FLOT1: variants seen among roughly 807,000 people sequenced by gnomAD.
FLOT1 encodes the protein flotillin-1.
Under a neutral mutation model 58.4 loss-of-function variants are expected in FLOT1, and 40 were observed. The ratio of observed to expected loss-of-function variants is 0.69; its 90% CI spans 0.53 to 0.89. The LOEUF (loss-of-function observed/expected upper bound fraction) is 0.89, where lower values mean the gene tolerates loss of function less well. Ranked by LOEUF, FLOT1 falls within the 40% of genes least tolerant of loss-of-function variation. The pLI is 0.00. For missense variants in FLOT1, 423 were observed against 540.8 expected (o/e 0.78, Z 2.16); for synonymous variants, 178 against 204.2 (o/e 0.87, Z 1.09).
rs1562198337 is a variant in FLOT1, at chr6:30,742,131, GAAC to G, written c.43+13_43+15del. 3.7e-6 allele frequency: 6 copies of G among 1,612,010 alleles called. No individual in the cohort carries two copies. Among genetic ancestry groups the G allele is most frequent in the East Asian group, 2.2e-5 (1 of 44,876 alleles). On this transcript the variant is annotated intron_variant, in intron 2 of 12. Transcript: ENST00000376389. The surrounding 1 kb of genome is among the most constrained non-coding windows in gnomAD (Gnocchi z 5.2). ...GTTCTGGGGTCACTGGCTGGGAAGG[GAAC>G]AACAGTACTTACCGGAGACCACCAT...
chr6:30,742,294 TC>T lies in FLOT1; in HGVS notation c.-14-92del, dbSNP rs1275610454. The T allele has an allele frequency of 6.3e-6, 7 of 1,107,802 alleles. No individual in the cohort carries two copies. In the African/African-American group the frequency reaches 7.7e-5, roughly 12 times the overall value. 68.6% of individuals were successfully genotyped at this position (1,107,802 alleles called of 1,614,324 possible). A position where few individuals can be genotyped will look rare whatever the true frequency, so the allele number is the denominator to read the frequency against. On this transcript the variant is annotated intron_variant, in intron 1 of 12. Transcript: ENST00000376389. The surrounding 1 kb of genome is among the most constrained non-coding windows in gnomAD (Gnocchi z 5.2). Reference sequence around the variant, plus strand: ...ATCCTTTCCCTTTCCCGTCAGGCCCTCCCAGTCTGCATCCGCCACGGCCCGT... The same window carrying T: ...ATCCTTTCCCTTTCCCGTCAGGCCCTCCAGTCTGCATCCGCCACGGCCCGT...
Position 30,728,010 on chromosome 6 carries a change from C to G in FLOT1, c.*106G>C. ...GGCAAGGAGAGATGAGGGGTGGGAC[C>G]TCACTGTCAATGGACATGCTCAGGG... On this transcript the variant is annotated 3_prime_UTR_variant, in exon 13 of 13. Transcript: ENST00000376389. 9.5e-7 allele frequency: 1 copy of G among 1,056,692 alleles called. No homozygotes were observed. Among genetic ancestry groups the G allele is most frequent in the Non-Finnish European group, 1.5e-6 (1 of 676,394 alleles). The allele number at this position is 1,056,692 out of a possible 1,614,324, so 65.5% of individuals were successfully genotyped here. A position where few individuals can be genotyped will look rare whatever the true frequency, so the allele number is the denominator to read the frequency against.
At chr6:30,732,398 C>G (rs1016920194) in intron 8 of FLOT1, among the ~76,000 whole-genome samples, 1 of 151,928 alleles carries the variant, frequency 6.6e-6, no homozygotes, top group African/African-American at 2.4e-5. Context: ...TACTCTGTCA[C>G]CCAGGTTCAA....
At chr6:30,732,870 C>T (rs1009023277) in intron 8 of FLOT1, among the ~76,000 whole-genome samples, 6 of 152,172 alleles carry the variant, frequency 3.9e-5, no homozygotes, top group African/African-American at 1.4e-4. Flanking sequence ...CCCTCTACAC[C>T]GGTGTGCAGG....
rs1250106525 is a variant in FLOT1 at position 30,728,252 on chromosome 6, C to CA, written c.1255-108_1255-107insT. 4.1e-5 allele frequency: 37 copies of CA among 913,044 alleles called. No homozygotes were observed. In the African/African-American group the frequency reaches 4.7e-4, roughly 12 times the overall value. 56.6% of individuals were successfully genotyped at this position (913,044 alleles called of 1,614,324 possible). ...GAATGGGCTATAGGCAGAACACACA[C>CA]GGCCAGGGTTCTTTCTGGTGCCCTA... On this transcript the variant is annotated intron_variant, in intron 12 of 12. Coordinates refer to ENST00000376389, the MANE Select transcript of FLOT1 (RefSeq NM_005803.4).
Position 30,742,154 on chromosome 6 carries a change from C to T in FLOT1, c.36G>A (p.Val12=). 6.2e-7 allele frequency: 1 copy of T among 1,612,844 alleles called. No individual in the cohort carries two copies. The highest frequency in any genetic ancestry group is 8.5e-7 in the Non-Finnish European group (1 of 1,179,972). ...GGGAACAACAGTACTTACCGGAGAC[C>T]ACCATGGCCTCATTTGGGCCACAAG... The part of the protein sequence containing the change: ...FFTCGPNEAM[V]VSGFCRSPPV... The change falls in exon 2 of 13, where the codon GTG becomes GTA. Residue 12 remains valine (V), a synonymous_variant. Transcript: ENST00000376389. This position sits in a 1 kb window ranked among gnomAD's most constrained non-coding sequence, Gnocchi z 5.2.
In FLOT1 at chr6:30,737,664, C is replaced by A. The variant is rs1777693796; in HGVS notation, c.723+2494G>T. On this transcript the variant is annotated intron_variant, in intron 8 of 12. Coordinates refer to ENST00000376389, the MANE Select transcript of FLOT1 (RefSeq NM_005803.4). The surrounding 1 kb of genome is among the most constrained non-coding windows in gnomAD (Gnocchi z 4.4). ...AGTCTGATCTCAAACACCACTTCCT[C>A]ATAGAAACTTTCTCTACCACCCGCT... 6.6e-6 allele frequency among the ~76,000 whole-genome samples: 1 copy of A among 152,150 alleles called. No homozygotes were observed. The highest frequency in any genetic ancestry group is 1.5e-5 in the Non-Finnish European group (1 of 68,036).
rs1347649821 is a variant in FLOT1, at chr6:30,737,238, G to GTCCATCCATCCATCCATCCATCCA, written c.723+2919_723+2920insTGGATGGATGGATGGATGGATGGA. Among the ~76,000 whole-genome samples the GTCCATCCATCCATCCATCCATCCA allele has an allele frequency of 2.0e-4, 26 of 129,758 alleles. No individual in the cohort carries two copies. Among genetic ancestry groups the GTCCATCCATCCATCCATCCATCCA allele is most frequent in the Non-Finnish European group, 2.5e-4 (16 of 62,902 alleles). The allele number at this position is 129,758 out of a possible 152,430, so 85.1% of individuals were successfully genotyped here. A position where few individuals can be genotyped will look rare whatever the true frequency, so the allele number is the denominator to read the frequency against. ...CGTCCGTCCGTCCGTCCGTCCGTCC[G>GTCCATCCATCCATCCATCCATCCA]TCCGTCCGTCCATCCGTCCATCCAT... On this transcript the variant is annotated intron_variant, in intron 8 of 12. Coordinates refer to ENST00000376389, the MANE Select transcript of FLOT1 (RefSeq NM_005803.4). This position sits in a 1 kb window ranked among gnomAD's most constrained non-coding sequence, Gnocchi z 4.4.
chr6:30,735,449 A>G (rs1396411663), intron 8 of FLOT1, among the ~76,000 whole-genome samples: 1 of 114,186 alleles, frequency 8.8e-6, no homozygotes, highest in Non-Finnish European at 1.7e-5. Flanking sequence ...CCTCTCTACT[A>G]AAAAAAAAAA....
Position 30,742,416 on chromosome 6 carries a change from C to A in FLOT1, c.-15+111G>T. On this transcript the variant is annotated intron_variant, in intron 1 of 12. Transcript: ENST00000376389. The surrounding 1 kb of genome is among the most constrained non-coding windows in gnomAD (Gnocchi z 5.2). ...CCGCCTGCGTATGGTCCCTCCCTTC[C>A]CCTCGCCGCTCCCTTTGATAAAGGT... The A allele has an allele frequency of 1.7e-6, 1 of 596,416 alleles. No homozygotes were observed. The highest frequency in any genetic ancestry group is 3.0e-6 in the Non-Finnish European group (1 of 331,812). 36.9% of individuals were successfully genotyped at this position (596,416 alleles called of 1,614,324 possible).
At chr6:30,735,993 G>A (rs545227885) in intron 8 of FLOT1, among the ~76,000 whole-genome samples, 55 of 151,714 alleles carry the variant, frequency 3.6e-4, no homozygotes, top group African/African-American at 1.2e-3. Context: ...GCTCACGCCT[G>A]TAATCCTAGC....
chr6:30,740,489 C>T lies in FLOT1; in HGVS notation c.570+7G>A, dbSNP rs1321151725. The T allele has an allele frequency of 6.2e-7, 1 of 1,612,042 alleles. No homozygotes were observed. Among genetic ancestry groups the T allele is most frequent in the African/African-American group, 1.3e-5 (1 of 74,902 alleles). ...CTTTCCCACTAAGCAACCCCCATCT[C>T]TCTCACCCGGATCCCAGCATCTCTC... is the stretch of plus-strand genomic sequence containing the variant. On this transcript the variant is annotated splice_region_variant and intron_variant, in intron 7 of 12. Transcript: ENST00000376389.
Position 30,728,464 on chromosome 6 carries a change from C to CT in FLOT1, c.1255-320dup, listed in dbSNP as rs70987657. ...GATCCAGTGCTTTTATTTACATACGCTTTTTTTTTTTCTTTTTTTTTTTGA... is the reference window on the plus strand; with the variant it reads ...GATCCAGTGCTTTTATTTACATACGCTTTTTTTTTTTTCTTTTTTTTTTTGA... On this transcript the variant is annotated intron_variant, in intron 12 of 12. Transcript: ENST00000376389. Among the ~76,000 whole-genome samples, 178 of 146,212 alleles carry CT rather than the reference C, an allele frequency of 1.2e-3. 1 individual carries two copies. Among genetic ancestry groups the CT allele is most frequent in the African/African-American group, 3.8e-3 (150 of 39,790 alleles).
chr6:30,740,515 T>C lies in FLOT1; in HGVS notation c.551A>G (p.Lys184Arg). Residue 184 changes from lysine (K) to arginine (R), a missense_variant, in exon 7 of 13, where the codon AAG becomes AGG. Lys to Arg is a conservative substitution (Grantham distance 26, BLOSUM62 2). Around this residue, in one of 6 missense-constraint regions of FLOT1, gnomAD observed 137 missense variants for 194.6 expected, o/e 0.70. Coordinates refer to ENST00000376389, the MANE Select transcript of FLOT1 (RefSeq NM_005803.4). ...KDARIGEAEA[K>R]RDAGIREAKA... ...TCTCACCCGGATCCCAGCATCTCTC[T>C]TGGCCTCTGCTTCTCCAATCCGTGC... 6.2e-7 allele frequency: 1 copy of C among 1,612,902 alleles called. No homozygotes were observed. The highest frequency in any genetic ancestry group is 1.1e-5 in the South Asian group (1 of 91,066).
Position 30,727,860 on chromosome 6 carries a change from A to T in FLOT1, c.*256T>A. 2 of 591,432 alleles carry T rather than the reference A, an allele frequency of 3.4e-6. No individual in the cohort carries two copies. Among genetic ancestry groups the T allele is most frequent in the Non-Finnish European group, 3.0e-6 (1 of 331,298 alleles). 36.6% of individuals were successfully genotyped at this position (591,432 alleles called of 1,614,324 possible). A position where few individuals can be genotyped will look rare whatever the true frequency, so the allele number is the denominator to read the frequency against. On this transcript the variant is annotated 3_prime_UTR_variant, in exon 13 of 13. Coordinates refer to ENST00000376389, the MANE Select transcript of FLOT1 (RefSeq NM_005803.4). Reference sequence around the variant, plus strand: ...CAGTCTGATTTAATTAGGAAGTTAAATAAGTTGAGGTGGGGTGGAGTGGGA... The same window carrying T: ...CAGTCTGATTTAATTAGGAAGTTAATTAAGTTGAGGTGGGGTGGAGTGGGA...
At chr6:30,732,888 C>G (rs1777298744) in intron 8 of FLOT1, among the ~76,000 whole-genome samples, 1 of 152,180 alleles carries the variant, frequency 6.6e-6, no homozygotes, top group African/African-American at 2.4e-5. Context: ...AGGATCACCT[C>G]TCTCCTGTGT....
chr6:30,738,742 G>A (rs753196509), intron 8 of FLOT1, among the ~76,000 whole-genome samples: 8 of 152,240 alleles, frequency 5.3e-5, no homozygotes, highest in Admixed American at 1.3e-4. Flanking sequence ...ATCATAGCCC[G>A]CTTGCACTAA....
chr6:30,741,948 C>T lies in FLOT1; in HGVS notation c.44-81G>A. 7.4e-7 allele frequency: 1 copy of T among 1,354,410 alleles called. No homozygotes were observed. The highest frequency in any genetic ancestry group is 1.2e-5 in the South Asian group (1 of 84,116). The allele number at this position is 1,354,410 out of a possible 1,614,324, so 83.9% of individuals were successfully genotyped here. A position where few individuals can be genotyped will look rare whatever the true frequency, so the allele number is the denominator to read the frequency against. On this transcript the variant is annotated intron_variant, in intron 2 of 12. Coordinates refer to ENST00000376389, the MANE Select transcript of FLOT1 (RefSeq NM_005803.4). The surrounding 1 kb of genome is among the most constrained non-coding windows in gnomAD (Gnocchi z 5.9). ...GGAACTGGCGGGGGTGAGGGGACAG[C>T]AACCCACAGGAGAGAATCTGGGAGC... is the stretch of plus-strand genomic sequence containing the variant.
chr6:30,741,895 G>A lies in FLOT1; in HGVS notation c.44-28C>T. On this transcript the variant is annotated intron_variant, in intron 2 of 12. Transcript: ENST00000376389. The surrounding 1 kb of genome is among the most constrained non-coding windows in gnomAD (Gnocchi z 5.9). ...GCAAGGTGTGGGGCAGTGAGGAACG[G>A]TGGCAGAGCTTGAATGTGGAAGACT... The A allele has an allele frequency of 6.2e-7, 1 of 1,604,344 alleles. No individual in the cohort carries two copies. Among genetic ancestry groups the A allele is most frequent in the Middle Eastern group, 2.0e-4 (1 of 5,094 alleles).
Sources: gnomAD v4.1 joint callset for allele counts (sites outside exome capture counted in the v4.1 genomes callset) on GRCh38, gnomAD v4.1.1 for gene constraint, gnomAD v4.1.1 regional missense constraint, Gnocchi (gnomAD v3.1) non-coding constraint, MANE v1.5 for transcripts, NCBI Gene and HGNC (gene_info 2026-07-23, HGNC 2026-07-21) for gene names.